TRPM7: variants seen among roughly 807,000 people sequenced by gnomAD.
TRPM7 encodes the protein LTRPC ion channel family member 7.
Under a neutral mutation model 229.7 loss-of-function variants are expected in TRPM7, and 134 were observed. The observed-to-expected ratio is 0.58, with a 90% CI of 0.51 to 0.67. TRPM7 has a LOEUF of 0.67. TRPM7 is among the 30% of genes least tolerant of loss of function. The pLI is 0.00. For synonymous variants in TRPM7, 699 were observed against 715.2 expected (o/e 0.98, Z 0.36); for missense variants, 1,901 against 2,210.0 (o/e 0.86, Z 2.80).
chr15:50,685,171 C>A (rs1331584489), intron 1 of TRPM7, among the ~76,000 whole-genome samples: 1 of 152,224 alleles, frequency 6.6e-6, no homozygotes, highest in African/African-American at 2.4e-5. Flanking sequence ...AGTTTGAAAT[C>A]TCCCATGTTG....
rs530909699 is a variant in TRPM7, at chr15:50,617,198, A to G, written c.1494+2547T>C. Among the ~76,000 whole-genome samples the G allele has an allele frequency of 9.9e-5, 15 of 151,688 alleles. No homozygotes were observed. In the East Asian group the frequency reaches 2.9e-3, roughly 29 times the overall value. ...AATAAATAAAATAAATTAGCCAGGCATGGTGGTGTGCGCCTGTAGTCCCAG... is the reference window on the plus strand; with the variant it reads ...AATAAATAAAATAAATTAGCCAGGCGTGGTGGTGTGCGCCTGTAGTCCCAG... On this transcript the variant is annotated intron_variant, in intron 13 of 38. Coordinates refer to ENST00000646667, the MANE Select transcript of TRPM7 (RefSeq NM_017672.6).
chr15:50,652,870 G>T (rs1037355926), intron 3 of TRPM7, among the ~76,000 whole-genome samples: 1 of 152,036 alleles, frequency 6.6e-6, no homozygotes, highest in Admixed American at 6.6e-5. Flanking sequence ...AGCATTACAA[G>T]AAAAGACTAG....
Position 50,561,635 on chromosome 15 carries a change from T to C in TRPM7, c.*43A>G. On this transcript the variant is annotated 3_prime_UTR_variant, in exon 39 of 39. Transcript: ENST00000646667. Reference sequence around the variant, plus strand: ...GAGGGAAAAGTGACACAGTAACATTTCTGTGAGGTGCAGGCAAAACCAATG... The same window carrying C: ...GAGGGAAAAGTGACACAGTAACATTCCTGTGAGGTGCAGGCAAAACCAATG... 1.3e-6 allele frequency: 2 copies of C among 1,596,154 alleles called. No individual in the cohort carries two copies. The highest frequency in any genetic ancestry group is 1.7e-6 in the Non-Finnish European group (2 of 1,174,290).
chr15:50,591,786 C>T, intron 26 of TRPM7, 125 bp downstream of exon 26: 1 of 753,366 alleles, frequency 1.3e-6, no homozygotes, highest in Non-Finnish European at 1.9e-6. Flanking sequence ...GTGTCTGATT[C>T]TTTTTAAAAA....
At chr15:50,570,317 C>T (rs2053814803) in intron 36 of TRPM7, among the ~76,000 whole-genome samples, 162 bp from the exon 37 acceptor site, 1 of 152,050 alleles carries the variant, frequency 6.6e-6, no homozygotes, top group Admixed American at 6.6e-5. Context: ...TTTGATATTT[C>T]ATAACTTGAT....
intron 13 of TRPM7, among the ~76,000 whole-genome samples, chr15:50,615,387 T>C (rs1446582504): frequency 6.6e-6 from 1 of 152,096 alleles, no homozygotes; most frequent in African/African-American, 2.4e-5. Context: ...TAACTACCGC[T>C]TGCAACATTG....
chr15:50,672,060 T>C (rs2062000996), intron 1 of TRPM7, among the ~76,000 whole-genome samples: 1 of 147,998 alleles, frequency 6.8e-6, no homozygotes, highest in Admixed American at 6.6e-5. Context: ...TGGTTGGTTT[T>C]TGTTTTTGTT....
Position 50,624,191 on chromosome 15 carries a change from G to A in TRPM7, c.1415C>T (p.Pro472Leu), listed in dbSNP as rs766468134. The change falls in exon 12 of 39, where the codon CCG becomes CTG. Residue 472 changes from proline (P) to leucine (L), a missense_variant. Physicochemically the swap from Pro to Leu is moderately conservative, Grantham distance 98. Transcript: ENST00000646667. ...GVSMHKFLTI[P>L]RLEELYNTKQ... ...AGTGTTGTAAAGTTCTTCCAGTCTCGGAATGGTAAGGAATTTATGCATGCT... is the reference window on the plus strand; with the variant it reads ...AGTGTTGTAAAGTTCTTCCAGTCTCAGAATGGTAAGGAATTTATGCATGCT... The A allele has an allele frequency of 6.7e-5, 108 of 1,609,228 alleles. No individual in the cohort carries two copies. Among genetic ancestry groups the A allele is most frequent in the Middle Eastern group, 5.0e-4 (3 of 6,048 alleles).
At chr15:50,614,336 G>A (rs758041573) in intron 13 of TRPM7, 73 bp from the exon 14 acceptor site, 127 of 1,326,314 alleles carry the variant, frequency 9.6e-5, no homozygotes, top group Non-Finnish European at 1.3e-4. Context: ...CCTAGGAACA[G>A]GCCTACTCTC....
chr15:50,622,048 C>CA (rs200432365), intron 12 of TRPM7, among the ~76,000 whole-genome samples: 14 of 148,266 alleles, frequency 9.4e-5, no homozygotes, highest in East Asian at 3.9e-4. Flanking sequence ...CAAAACAAAA[C>CA]AAAAAAAAAG....
rs998259167 is a variant in TRPM7 at position 50,652,549 on chromosome 15, A to C, written c.123-3664T>G. Among the ~76,000 whole-genome samples the C allele has an allele frequency of 4.2e-4, 64 of 151,446 alleles. No homozygotes were observed. The Admixed American group carries it at 4.2e-3, about 10-fold the overall frequency. ...TCAAAAAAAAAAAAAAAAATCATTA[A>C]TACACCTTTCCACAAAGAAAATTCA... On this transcript the variant is annotated intron_variant, in intron 3 of 38. Transcript: ENST00000646667.
chr15:50,609,846 CTGTCATCCAT>C lies in TRPM7; in HGVS notation c.2386_2395del (p.Met796AlafsTer8). On this transcript the variant is annotated frameshift_variant, in exon 18 of 39. Coordinates refer to ENST00000646667, the MANE Select transcript of TRPM7 (RefSeq NM_017672.6). LOFTEE classifies it high-confidence loss of function. ...TGTTATGTTCTGAAAGTTGTTTTCG[CTGTCATCCAT>C]TGTCATCTGATGAGCATCTTGAGAT... 2 of 1,613,004 alleles carry C rather than the reference CTGTCATCCAT, an allele frequency of 1.2e-6. No individual in the cohort carries two copies. The highest frequency in any genetic ancestry group is 1.7e-6 in the Non-Finnish European group (2 of 1,179,494).
At position 50,631,416 on chromosome 15, in the gene TRPM7, C is replaced by G. The variant is rs772552329; in HGVS notation, c.1204+1G>C. The G allele has an allele frequency of 6.2e-7, 1 of 1,601,296 alleles. No homozygotes were observed. Among genetic ancestry groups the G allele is most frequent in the Non-Finnish European group, 8.5e-7 (1 of 1,171,560 alleles). On this transcript the variant is annotated splice_donor_variant, in intron 10 of 38. Transcript: ENST00000646667. LOFTEE classifies it high-confidence loss of function. The stretch of plus-strand genomic sequence containing the variant: ...AAATAAAAAAGTTCTTAGAGGCTTA[C>G]CTTTTAGCAGTGCAGTAAGTATTGC...
intron 28 of TRPM7, among the ~76,000 whole-genome samples, chr15:50,584,443 CG>C: frequency 6.6e-6 from 1 of 152,128 alleles, no homozygotes; most frequent in East Asian, 1.9e-4. Flanking sequence ...TGTGTATGTT[CG>C]TTCTGGGAAT....
intron 5 of TRPM7, 81 bp from the exon 6 acceptor site, chr15:50,639,629 C>T: frequency 7.6e-7 from 1 of 1,309,358 alleles, no homozygotes; most frequent in Non-Finnish European, 1.0e-6. Flanking sequence ...AGCAGTGGCG[C>T]AATGACAGCT....
At chr15:50,674,955 G>A (rs1482533236) in intron 1 of TRPM7, among the ~76,000 whole-genome samples, 1 of 151,998 alleles carries the variant, frequency 6.6e-6, no homozygotes, top group Non-Finnish European at 1.5e-5. Flanking sequence ...CAAACAATTT[G>A]CTAAAAGTCA....
At chr15:50,652,529 A>C (rs2061450536) in intron 3 of TRPM7, among the ~76,000 whole-genome samples, 1 of 150,954 alleles carries the variant, frequency 6.6e-6, no homozygotes, top group South Asian at 2.1e-4. Flanking sequence ...CTGTCTCAAA[A>C]AAAAAAAAAA....
Position 50,686,772 on chromosome 15 carries a change from C to A in TRPM7, c.-239G>T, listed in dbSNP as rs1421994363. The A allele has an allele frequency of 4.3e-6, 2 of 461,876 alleles. No homozygotes were observed. The highest frequency in any genetic ancestry group is 7.4e-6 in the Non-Finnish European group (2 of 269,168). The allele number at this position is 461,876 out of a possible 1,614,324, so 28.6% of individuals were successfully genotyped here. A position where few individuals can be genotyped will look rare whatever the true frequency, so the allele number is the denominator to read the frequency against. On this transcript the variant is annotated 5_prime_UTR_variant, in exon 1 of 39. Coordinates refer to ENST00000646667, the MANE Select transcript of TRPM7 (RefSeq NM_017672.6). ...GGCCACAGGGACGCGCCCGCGCCCG[C>A]CTCCGCCGGCGACGGGGCTGGGGAC... is the stretch of plus-strand genomic sequence containing the variant.
At chr15:50,679,538 A>ATATTTTTTTTTTTTT (rs1400383980) in intron 1 of TRPM7, among the ~76,000 whole-genome samples, 4 of 43,902 alleles carry the variant, frequency 9.1e-5, no homozygotes, top group African/African-American at 3.2e-4. Context: ...ATATATATAT[A>ATATTTTTTTTTTTTT]TTTTTTTTTT....
Sources: allele counts gnomAD v4.1 joint callset (sites outside exome capture counted in the v4.1 genomes callset), GRCh38; gene constraint gnomAD v4.1.1; transcripts MANE v1.5; gene names NCBI Gene and HGNC (gene_info 2026-07-23, HGNC 2026-07-21).